ZNF717: variants seen among roughly 807,000 people sequenced by gnomAD.
ZNF717 encodes the protein krueppel-like factor X17.
A neutral mutation model predicts 13.8 loss-of-function variants in ZNF717; 9 were observed. The observed-to-expected ratio is 0.65, with a 90% CI of 0.39 to 1.14. The LOEUF (loss-of-function observed/expected upper bound fraction) is 1.14, where lower values mean the gene tolerates loss of function less well. Among genes scored for constraint, ZNF717 ranks in the 50% most tolerant of loss-of-function variants. The probability of loss-of-function intolerance (pLI) is 0.01; values close to 1 mark genes in which losing one functional copy is unlikely to be tolerated. For missense variants in ZNF717, 1,040 were observed against 1,080.7 expected, an observed-to-expected ratio of 0.96 and a Z score of 0.53; for synonymous variants, 327 against 364.1, an observed-to-expected ratio of 0.90 and a Z score of 1.16.
rs1412853696 is a variant in ZNF717 at position 75,741,345 on chromosome 3, T to C, written c.208A>G (p.Met70Val). The C allele has an allele frequency of 1.2e-5, 18 of 1,549,012 alleles. No homozygotes were observed. The highest frequency in any genetic ancestry group is 3.3e-4 in the Middle Eastern group (2 of 6,006). ...SLGHYITKPEMIFKLEQGAEP... is the reference protein window; with the variant it reads ...SLGHYITKPEVIFKLEQGAEP... ...GCTCCTTGCTCTAGCTTGAAGATCATCTCAGGTTTGGTAATGTAATGCCCT... is the reference window on the plus strand; with the variant it reads ...GCTCCTTGCTCTAGCTTGAAGATCACCTCAGGTTTGGTAATGTAATGCCCT... Residue 70 changes from methionine to valine, a missense_variant, in exon 4 of 5, where the codon ATG becomes GTG. Met to Val is a conservative substitution (Grantham distance 21, BLOSUM62 1). Around this residue, in one of 3 missense-constraint regions of ZNF717, gnomAD observed 123 missense variants for 177.8 expected, o/e 0.69. Coordinates refer to ENST00000652011, the MANE Select transcript of ZNF717 (RefSeq NM_001290208.3).
chr3:75,738,976 T>C lies in ZNF717; in HGVS notation c.647A>G (p.Lys216Arg). ...LQTFQCNEQG[K>R]TFNTEAMFFI... Reference sequence around the variant, plus strand: ...GAACATTGCCTCCGTGTTGAAGGTTTTCCCTTGTTCATTACATTGAAAAGT... The same window carrying C: ...GAACATTGCCTCCGTGTTGAAGGTTCTCCCTTGTTCATTACATTGAAAAGT... The change falls in exon 5 of 5, where the codon AAA becomes AGA. Residue 216 changes from lysine to arginine, a missense_variant. Physicochemically the swap from Lys to Arg is conservative, Grantham distance 26 (BLOSUM62 2). Transcript: ENST00000652011. The C allele has an allele frequency of 6.4e-7, 1 of 1,551,616 alleles. No individual in the cohort carries two copies. Among genetic ancestry groups the C allele is most frequent in the East Asian group, 2.4e-5 (1 of 40,918 alleles).
At chr3:75,719,994 T>TAATAATAATAAC in intron 4 of ZNF717, among the ~76,000 whole-genome samples, 1 of 131,124 alleles carries the variant, frequency 7.6e-6, no homozygotes, top group South Asian at 2.7e-4. Context: ...ATAATAATAA[T>TAATAATAATAAC]AATAACCACG....
intron 2 of ZNF717, among the ~76,000 whole-genome samples, chr3:75,742,321 CAAAAAA>C (rs369657631): frequency 1.8e-5 from 1 of 56,530 alleles, no homozygotes; most frequent in African/African-American, 5.8e-5. Context: ...GCCTACCTCT[CAAAAAA>C]AAAAAAAAAA....
At chr3:75,701,254 T>A (rs1349437009) in intron 6 of ZNF717, among the ~76,000 whole-genome samples, 1 of 152,306 alleles carries the variant, frequency 6.6e-6, no homozygotes, top group Admixed American at 6.5e-5. Flanking sequence ...TTGCTTCACA[T>A]ACATGCTCTC....
chr3:75,781,768 G>T (rs1944840544), intron 2 of ZNF717, among the ~76,000 whole-genome samples: 1 of 152,152 alleles, frequency 6.6e-6, no homozygotes, highest in Non-Finnish European at 1.5e-5. Flanking sequence ...GCAGTTCCCA[G>T]CAATTTACTC....
chr3:75,766,256 T>A (rs1943459295), intron 2 of ZNF717, among the ~76,000 whole-genome samples: 1 of 151,856 alleles, frequency 6.6e-6, no homozygotes, highest in Admixed American at 6.6e-5. Flanking sequence ...ACCCACAATA[T>A]GGCATCCACA....
At chr3:75,784,491 A>C (rs1945030356) in intron 1 of ZNF717, among the ~76,000 whole-genome samples, 1 of 152,208 alleles carries the variant, frequency 6.6e-6, no homozygotes, top group African/African-American at 2.4e-5. Flanking sequence ...ACTAGGTTTA[A>C]TATATCTCAA....
Position 75,744,903 on chromosome 3 carries a change from T to C in ZNF717, c.58-3167A>G, listed in dbSNP as rs1003888497. ...GGGGAAGGGAATTATCCCCTTCCACTGCAGCCCATTCTAATCATGTTCCGC... is the reference window on the plus strand; with the variant it reads ...GGGGAAGGGAATTATCCCCTTCCACCGCAGCCCATTCTAATCATGTTCCGC... On this transcript the variant is annotated intron_variant, in intron 2 of 4. Coordinates refer to ENST00000652011, the MANE Select transcript of ZNF717 (RefSeq NM_001290208.3). Among the ~76,000 whole-genome samples, 76 of 152,350 alleles carry C rather than the reference T, an allele frequency of 5.0e-4. 1 individual carries two copies. The highest frequency in any genetic ancestry group is 9.7e-4 in the East Asian group (5 of 5,176).
chr3:75,766,891 T>A (rs1312244776), intron 2 of ZNF717, among the ~76,000 whole-genome samples: 1 of 152,160 alleles, frequency 6.6e-6, no homozygotes, highest in Non-Finnish European at 1.5e-5. Flanking sequence ...ACCCTGTGAG[T>A]CAAAAAAAGT....
intron 6 of ZNF717, among the ~76,000 whole-genome samples, chr3:75,700,984 T>TAA (rs112251016): frequency 6.6e-6 from 1 of 152,306 alleles, no homozygotes. Context: ...AAGGAAACAA[T>TAA]AAACAAAGTG....
chr3:75,740,775 G>C (rs111233022), intron 4 of ZNF717, among the ~76,000 whole-genome samples: 1 of 140,326 alleles, frequency 7.1e-6, no homozygotes, highest in African/African-American at 2.6e-5. Context: ...TCATTACAGT[G>C]AACTATAATC....
intron 2 of ZNF717, among the ~76,000 whole-genome samples, chr3:75,764,602 G>C (rs199802551): frequency 1.3e-5 from 2 of 152,130 alleles, no homozygotes; most frequent in African/African-American, 4.8e-5. Flanking sequence ...ATTAAAAAGT[G>C]GACAAAGAAC....
At chr3:75,779,442 A>G (rs1944628184) in intron 2 of ZNF717, among the ~76,000 whole-genome samples, 4 of 152,032 alleles carry the variant, frequency 2.6e-5, no homozygotes, top group Admixed American at 2.6e-4. Flanking sequence ...GATGTGCTAA[A>G]ACCGGAACCC....
chr3:75,764,658 C>A (rs1165685112), intron 2 of ZNF717, among the ~76,000 whole-genome samples: 13 of 152,288 alleles, frequency 8.5e-5, no homozygotes, highest in African/African-American at 3.1e-4. Flanking sequence ...CCAACAGATA[C>A]ATGAGATATA....
At chr3:75,777,542 G>T (rs1329957657) in intron 2 of ZNF717, among the ~76,000 whole-genome samples, 1 of 128,462 alleles carries the variant, frequency 7.8e-6, no homozygotes, top group Admixed American at 8.1e-5. Context: ...GGGAGTGATG[G>T]GCTAAAACCT....
At chr3:75,780,271 G>A (rs748822162) in intron 2 of ZNF717, among the ~76,000 whole-genome samples, 38 of 152,030 alleles carry the variant, frequency 2.5e-4, no homozygotes, top group Admixed American at 3.9e-4. Flanking sequence ...TGGGAGTCAC[G>A]TGCTAAAACT....
At chr3:75,716,026 A>G (rs547369594) in intron 5 of ZNF717, among the ~76,000 whole-genome samples, 1 of 151,308 alleles carries the variant, frequency 6.6e-6, no homozygotes, top group South Asian at 2.1e-4. Flanking sequence ...GCTCTCATGC[A>G]GTGGAACAAT....
At chr3:75,759,029 A>T (rs1259532135) in intron 2 of ZNF717, among the ~76,000 whole-genome samples, 2 of 152,258 alleles carry the variant, frequency 1.3e-5, no homozygotes, top group Admixed American at 1.3e-4. Flanking sequence ...GACTGTTAGC[A>T]CTTGTTAACA....
chr3:75,715,738 G>C (rs1181503596), intron 5 of ZNF717, among the ~76,000 whole-genome samples: 1 of 152,120 alleles, frequency 6.6e-6, no homozygotes, highest in Non-Finnish European at 1.5e-5. Flanking sequence ...TCCATAAACA[G>C]TGAATGGGCA....
Sources: allele counts gnomAD v4.1 joint callset (sites outside exome capture counted in the v4.1 genomes callset), GRCh38; gene constraint gnomAD v4.1.1; regional missense constraint gnomAD v4.1.1; transcripts MANE v1.5; gene names NCBI Gene and HGNC (gene_info 2026-07-23, HGNC 2026-07-21).